Variants in SLC5A1 observed in about 807,000 individuals in gnomAD.
SLC5A1 encodes sodium/glucose cotransporter 1.
Under a neutral mutation model 73.5 loss-of-function variants are expected in SLC5A1, and 42 were observed. That is an observed-to-expected ratio of 0.57 (90% CI 0.45 to 0.74). The LOEUF (loss-of-function observed/expected upper bound fraction) is 0.74, where lower values mean the gene tolerates loss of function less well. Ranked by LOEUF, SLC5A1 falls within the 30% of genes least tolerant of loss-of-function variation. SLC5A1 has a pLI of 0.00. For missense variants in SLC5A1, 634 were observed against 855.4 expected (o/e 0.74, Z 3.23); for synonymous variants, 300 against 317.4 (o/e 0.95, Z 0.58).
rs570743274 is a variant in SLC5A1, at chr22:32,068,543, G to C, written c.420G>C (p.Arg140=). Residue 140 remains arginine, a synonymous_variant, in exon 5 of 15, where the codon CGG becomes CGC. Coordinates refer to ENST00000266088, the MANE Select transcript of SLC5A1 (RefSeq NM_000343.4). ...TGAGGAAGCGGTTTGGAGGCCAGCG[G>C]ATCCAGGTCTACCTTTCCCTTCTGT... ...EYLRKRFGGQ[R]IQVYLSLLSL... The C allele has an allele frequency of 1.9e-6, 3 of 1,614,036 alleles. No homozygotes were observed. The highest frequency in any genetic ancestry group is 2.2e-5 in the East Asian group (1 of 44,868).
Position 32,085,007 on chromosome 22 carries a change from A to G in SLC5A1, c.993A>G (p.Pro331=). Residue 331 remains proline (P), a synonymous_variant, in exon 9 of 15, where the codon CCA becomes CCG. Coordinates refer to ENST00000266088, the MANE Select transcript of SLC5A1 (RefSeq NM_000343.4). ...TGCCCATGTTCATCATGGTGATGCC[A>G]GGAATGATCAGCCGCATTCTGTACA... ...KLMPMFIMVM[P]GMISRILYTE... is the part of the protein sequence containing the mutation. The G allele has an allele frequency of 1.2e-6, 2 of 1,614,208 alleles. No homozygotes were observed. The highest frequency in any genetic ancestry group is 1.6e-4 in the Middle Eastern group (1 of 6,062).
At chr22:32,103,154 C>A (rs2094039428) in intron 13 of SLC5A1, among the ~76,000 whole-genome samples, 1 of 152,122 alleles carries the variant, frequency 6.6e-6, no homozygotes, top group Admixed American at 6.6e-5. Context: ...CCATAGTGTT[C>A]TTCATTGTGG....
Position 32,091,750 on chromosome 22 carries a change from T to A in SLC5A1, c.1268T>A (p.Met423Lys). 1 of 1,613,892 alleles carries A rather than the reference T, an allele frequency of 6.2e-7. No homozygotes were observed. Among genetic ancestry groups the A allele is most frequent in the Non-Finnish European group, 8.5e-7 (1 of 1,179,936 alleles). ...VRKRASEKEL[M>K]IAGRLFILVL... is the part of the protein sequence containing the mutation. ...AAGAGAGCATCTGAGAAAGAGCTCA[T>A]GATTGCCGGAAGGTAAATGCAGCTT... The change falls in exon 11 of 15, where the codon ATG (methionine) becomes AAG (lysine). Residue 423 changes from methionine to lysine, a missense_variant. Around this residue, in one of 3 missense-constraint regions of SLC5A1, gnomAD observed 422 missense variants for 626.1 expected, o/e 0.67. Coordinates refer to ENST00000266088, the MANE Select transcript of SLC5A1 (RefSeq NM_000343.4).
rs149796039 is a variant in SLC5A1 at position 32,084,389 on chromosome 22, T to C, written c.665-50T>C. ...AGGCATCTATGGAAAGAAGCTGCTA[T>C]GACGAGTTGAAGGTTTCAGAATGTT... On this transcript the variant is annotated intron_variant, in intron 7 of 14. Coordinates refer to ENST00000266088, the MANE Select transcript of SLC5A1 (RefSeq NM_000343.4). 54 of 1,515,178 alleles carry C rather than the reference T, an allele frequency of 3.6e-5. No homozygotes were observed. The African/African-American group carries it at 5.9e-4, about 16-fold the overall frequency. 93.9% of individuals were successfully genotyped at this position (1,515,178 alleles called of 1,614,324 possible).
intron 14 of SLC5A1, among the ~76,000 whole-genome samples, chr22:32,108,159 T>G (rs2094049737): frequency 1.3e-5 from 2 of 150,706 alleles, no homozygotes; most frequent in Admixed American, 6.6e-5. Flanking sequence ...CAGGTTGGAG[T>G]GCAGTGGCAC....
rs1483073020 is a variant in SLC5A1 at position 32,084,585 on chromosome 22, A to G, written c.811A>G (p.Thr271Ala). 6 of 1,614,212 alleles carry G rather than the reference A, an allele frequency of 3.7e-6. No individual in the cohort carries two copies. The stretch of plus-strand genomic sequence containing the variant: ...CTTCCACATCTTCCGAGATCCCCTC[A>G]CGGGAGACCTCCCATGGCCTGGGTT... ...DSFHIFRDPL[T>A]GDLPWPGFIF... is the part of the protein sequence containing the mutation. The change falls in exon 8 of 15, where the codon ACG becomes GCG. Residue 271 changes from threonine to alanine, a missense_variant. By Grantham distance (58) the Thr-to-Ala change is moderately conservative. Coordinates refer to ENST00000266088, the MANE Select transcript of SLC5A1 (RefSeq NM_000343.4).
chr22:32,082,959 T>C (rs949225731), intron 6 of SLC5A1, 115 bp from the exon 7 acceptor site: 4 of 870,336 alleles, frequency 4.6e-6, no homozygotes, highest in Middle Eastern at 2.1e-4. Context: ...GGCAAACCAC[T>C]GTGGGGATGT....
At chr22:32,061,818 G>A (rs1326174270) in intron 2 of SLC5A1, among the ~76,000 whole-genome samples, 3 of 152,198 alleles carry the variant, frequency 2.0e-5, no homozygotes, top group Non-Finnish European at 2.9e-5. Flanking sequence ...GCTTCATTTT[G>A]GATGGCTCAT....
At chr22:32,064,075 A>G (rs1365547986) in intron 2 of SLC5A1, among the ~76,000 whole-genome samples, 1 of 152,212 alleles carries the variant, frequency 6.6e-6, no homozygotes, top group Non-Finnish European at 1.5e-5. Context: ...GCAGTTAATA[A>G]TTTCTGGTAA....
At chr22:32,082,787 G>A (rs1480291907) in intron 6 of SLC5A1, among the ~76,000 whole-genome samples, 1 of 152,196 alleles carries the variant, frequency 6.6e-6, no homozygotes, top group African/African-American at 2.4e-5. Context: ...CCACAGAGGA[G>A]TCATCTCCTT....
intron 11 of SLC5A1, among the ~76,000 whole-genome samples, chr22:32,093,663 A>G (rs2094021837): frequency 6.6e-6 from 1 of 151,894 alleles, no homozygotes. Context: ...TTGATGTAGC[A>G]GAGCTACTGA....
chr22:32,043,353 C>A lies in SLC5A1; in HGVS notation c.72C>A (p.Arg24=). 1 of 1,614,028 alleles carries A rather than the reference C, an allele frequency of 6.2e-7. No individual in the cohort carries two copies. The highest frequency in any genetic ancestry group is 8.5e-7 in the Non-Finnish European group (1 of 1,179,986). Residue 24 remains arginine, a synonymous_variant, in exon 1 of 15, where the codon CGC becomes CGA. Transcript: ENST00000266088. This position sits in a 1 kb window ranked among gnomAD's most constrained non-coding sequence, Gnocchi z 6.5. ...TRPVETHELI[R]NAADISIIVI... ...CTGTTGAGACCCACGAGCTCATTCG[C>A]AATGCAGCCGATATCTCCATCATCG...
intron 14 of SLC5A1, among the ~76,000 whole-genome samples, chr22:32,106,250 T>C (rs1290957756): frequency 3.9e-5 from 6 of 152,240 alleles, no homozygotes; most frequent in Admixed American, 2.6e-4. Flanking sequence ...CTTTTGGATA[T>C]AAGCCGTTTT....
At position 32,102,170 on chromosome 22, in the gene SLC5A1, T is replaced by G. The variant is rs770956553; in HGVS notation, c.1598T>G (p.Leu533Arg). ...GVHYLYFAII[L>R]FAISFITIVV... The stretch of plus-strand genomic sequence containing the variant: ...CACTACTTGTACTTTGCCATTATCC[T>G]CTTCGCCATTTCTTTCATCACCATC... The change falls in exon 13 of 15, where the codon CTC becomes CGC. Residue 533 changes from leucine to arginine, a missense_variant. Leu to Arg is a moderately radical substitution (Grantham distance 102). This residue lies in a region of SLC5A1 where 161 missense variants were observed against 178.7 expected (regional missense o/e 0.90). Transcript: ENST00000266088. 3 of 1,614,016 alleles carry G rather than the reference T, an allele frequency of 1.9e-6. No homozygotes were observed.
chr22:32,082,956 C>A (rs1444272273), intron 6 of SLC5A1, 118 bp from the exon 7 acceptor site: 6 of 862,006 alleles, frequency 7.0e-6, no homozygotes, highest in African/African-American at 1.8e-5. Context: ...GCAGGCAAAC[C>A]ACTGTGGGGA....
rs55891016 is a variant in SLC5A1, at chr22:32,088,135, A to C, written c.1129+1808A>C. On this transcript the variant is annotated intron_variant, in intron 10 of 14. Transcript: ENST00000266088. ...GTGACTCTTCTAGAAAAGTTCTGGCATGGATTGCATTGGCCTCTGTGGAGT... is the reference window on the plus strand; with the variant it reads ...GTGACTCTTCTAGAAAAGTTCTGGCCTGGATTGCATTGGCCTCTGTGGAGT... Among the ~76,000 whole-genome samples, 1,156 of 152,304 alleles carry C rather than the reference A, an allele frequency of 7.6e-3. 10 individuals carry two copies. The highest frequency in any genetic ancestry group is 0.02 in the Middle Eastern group (6 of 294).
chr22:32,075,388 T>C (rs1223408747), intron 5 of SLC5A1, among the ~76,000 whole-genome samples: 1 of 152,018 alleles, frequency 6.6e-6, no homozygotes, highest in Non-Finnish European at 1.5e-5. Context: ...GATGAAGGCA[T>C]AGAATGAGGG....
chr22:32,095,323 A>G (rs1256574957), intron 11 of SLC5A1, among the ~76,000 whole-genome samples: 1 of 152,194 alleles, frequency 6.6e-6, no homozygotes, highest in East Asian at 1.9e-4. Flanking sequence ...TCTGTGGTCA[A>G]TGGGTACAAT....
chr22:32,059,584 T>A (rs1199673674), intron 2 of SLC5A1, among the ~76,000 whole-genome samples: 3 of 151,882 alleles, frequency 2.0e-5, no homozygotes, highest in Admixed American at 1.3e-4. Flanking sequence ...ATGGCAGGGC[T>A]GCTGAGATTG....
Sources: gnomAD v4.1 joint callset for allele counts (sites outside exome capture counted in the v4.1 genomes callset) on GRCh38, gnomAD v4.1.1 for gene constraint, gnomAD v4.1.1 regional missense constraint, Gnocchi (gnomAD v3.1) non-coding constraint, MANE v1.5 for transcripts, NCBI Gene and HGNC (gene_info 2026-07-23, HGNC 2026-07-21) for gene names.